Variants in SCML4 observed in about 807,000 individuals in gnomAD.
The protein encoded by SCML4 is sex comb on midleg-like protein 4.
In SCML4, 34 loss-of-function variants were observed where a neutral mutation model predicts 41.1. That is an observed-to-expected ratio of 0.83 (90% CI 0.63 to 1.10). The LOEUF (loss-of-function observed/expected upper bound fraction) is 1.10, where lower values mean the gene tolerates loss of function less well. SCML4 is among the 50% of genes least tolerant of loss of function. SCML4 has a pLI of 0.00. For synonymous variants in SCML4, 214 were observed against 220.9 expected, an observed-to-expected ratio of 0.97 and a Z score of 0.28; for missense variants, 522 against 534.1, an observed-to-expected ratio of 0.98 and a Z score of 0.22.
intron 1 of SCML4, among the ~76,000 whole-genome samples, chr6:107,792,893 T>C (rs961058803): frequency 6.6e-6 from 1 of 152,168 alleles, no homozygotes; most frequent in Admixed American, 6.5e-5. Context: ...AATGGGAATA[T>C]AGATTGTATA....
Position 107,704,606 on chromosome 6 carries a change from G to C in SCML4, c.*594C>G, listed in dbSNP as rs1773429621. 6.4e-6 allele frequency: 1 copy of C among 156,610 alleles called. No individual in the cohort carries two copies. Among genetic ancestry groups the C allele is most frequent in the Non-Finnish European group, 1.4e-5 (1 of 71,702 alleles). 9.7% of individuals were successfully genotyped at this position (156,610 alleles called of 1,614,324 possible). The stretch of plus-strand genomic sequence containing the variant: ...TTTCATTAGCAGTCTGCCCTCTAGC[G>C]GAGAAACACAGTACTTCAGATTTTC... On this transcript the variant is annotated 3_prime_UTR_variant, in exon 8 of 8. Coordinates refer to ENST00000369020, the MANE Select transcript of SCML4 (RefSeq NM_198081.5).
At chr6:107,726,195 G>A (rs1282234589) in intron 5 of SCML4, among the ~76,000 whole-genome samples, 1 of 151,726 alleles carries the variant, frequency 6.6e-6, no homozygotes, top group Non-Finnish European at 1.5e-5. Context: ...AAAGGGGCTA[G>A]ACTTATACAA....
At position 107,759,332 on chromosome 6, in the gene SCML4, A is replaced by AATACATATATACATAC. The variant is rs1554213075; in HGVS notation, c.157-9520_157-9519insGTATGTATATATGTAT. On this transcript the variant is annotated intron_variant, in intron 2 of 7. Coordinates refer to ENST00000369020, the MANE Select transcript of SCML4 (RefSeq NM_198081.5). ...GAGACAGAGCCAGACCCTGTCTCAA[A>AATACATATATACATAC]ATACATACATACATACATACATACA... is the stretch of plus-strand genomic sequence containing the variant. 5.2e-4 allele frequency among the ~76,000 whole-genome samples: 7 copies of AATACATATATACATAC among 13,488 alleles called. No individual in the cohort carries two copies. The Non-Finnish European group carries it at 0.028, about 54-fold the overall frequency. 8.8% of individuals were successfully genotyped at this position (13,488 alleles called of 152,430 possible). A position where few individuals can be genotyped will look rare whatever the true frequency, so the allele number is the denominator to read the frequency against.
chr6:107,747,710 T>C (rs981137192), intron 3 of SCML4, among the ~76,000 whole-genome samples: 3 of 152,108 alleles, frequency 2.0e-5, no homozygotes, highest in Admixed American at 6.6e-5. Flanking sequence ...GGAATCTTTA[T>C]GAATTTTGCA....
upstream of SCML4, among the ~76,000 whole-genome samples, chr6:107,828,776 A>C (rs1049541540): frequency 1.3e-5 from 2 of 152,202 alleles, no homozygotes; most frequent in African/African-American, 2.4e-5. Flanking sequence ...AGACTACACA[A>C]GAGTGGGTGC....
intron 2 of SCML4, chr6:107,755,607 G>C: frequency 7.4e-7 from 1 of 1,344,078 alleles, no homozygotes; most frequent in South Asian, 1.2e-5. Context: ...TCTGCCTGTC[G>C]CAACCTATCC....
chr6:107,707,513 G>C (rs1280925296), intron 7 of SCML4, among the ~76,000 whole-genome samples: 3 of 152,182 alleles, frequency 2.0e-5, no homozygotes, highest in Non-Finnish European at 4.4e-5. Flanking sequence ...AGTGGTTTAG[G>C]AACAGGTGCT....
At chr6:107,828,700 T>C (rs1038101841), upstream of SCML4, among the ~76,000 whole-genome samples, 6 of 152,244 alleles carry the variant, frequency 3.9e-5, no homozygotes, top group East Asian at 1.2e-3. Flanking sequence ...TTGAGAACCT[T>C]AGGGGCTATG....
intron 5 of SCML4, 142 bp from the exon 6 acceptor site, chr6:107,721,135 A>G: frequency 1.0e-6 from 1 of 974,508 alleles, no homozygotes; most frequent in South Asian, 2.1e-5. Flanking sequence ...GAACCTCACA[A>G]CATAATTCCA....
At chr6:107,812,482 A>AT (rs1276966299) in intron 1 of SCML4, among the ~76,000 whole-genome samples, 1 of 152,162 alleles carries the variant, frequency 6.6e-6, no homozygotes, top group Non-Finnish European at 1.5e-5. Context: ...GTGCCCAGTT[A>AT]TTTGGTTAAA....
At position 107,706,143 on chromosome 6, in the gene SCML4, C is replaced by T. The variant is rs556627057; in HGVS notation, c.1120-818G>A. Among the ~76,000 whole-genome samples, 16 of 152,266 alleles carry T rather than the reference C, an allele frequency of 1.1e-4. No homozygotes were observed. In the South Asian group the frequency reaches 1.9e-3, roughly 18 times the overall value. ...GTCACCAGCTCTCTCATTCATCTGCCCAGCCAGCCAGTATTGATGGAGCAC... is the reference window on the plus strand; with the variant it reads ...GTCACCAGCTCTCTCATTCATCTGCTCAGCCAGCCAGTATTGATGGAGCAC... On this transcript the variant is annotated intron_variant, in intron 7 of 7. Coordinates refer to ENST00000369020, the MANE Select transcript of SCML4 (RefSeq NM_198081.5).
intron 1 of SCML4, among the ~76,000 whole-genome samples, chr6:107,778,021 C>A (rs1260352785): frequency 2.0e-5 from 3 of 151,140 alleles, no homozygotes; most frequent in Non-Finnish European, 4.4e-5. Flanking sequence ...TCGAGACCAG[C>A]CTGGCCAACA....
chr6:107,728,512 G>A (rs1208750551), intron 5 of SCML4, among the ~76,000 whole-genome samples: 1 of 152,176 alleles, frequency 6.6e-6, no homozygotes, highest in African/African-American at 2.4e-5. Context: ...AGGAGGCTGA[G>A]GCAGGAGAAT....
chr6:107,838,978 A>G, the SCML4 span, among the ~76,000 whole-genome samples: 1 of 152,148 alleles, frequency 6.6e-6, no homozygotes, highest in Non-Finnish European at 1.5e-5. Context: ...AATCGTCCAG[A>G]AATAACAGTA....
chr6:107,766,584 T>C (rs1342343053), intron 2 of SCML4, among the ~76,000 whole-genome samples: 7 of 152,210 alleles, frequency 4.6e-5, no homozygotes, highest in Non-Finnish European at 1.0e-4. Context: ...TTTTACTCTT[T>C]AACATGAGTG....
intron 7 of SCML4, among the ~76,000 whole-genome samples, chr6:107,706,497 C>G (rs1773643738): frequency 6.6e-6 from 1 of 152,132 alleles, no homozygotes; most frequent in Non-Finnish European, 1.5e-5. Context: ...AAATAAGAAA[C>G]AGGAAACAAA....
chr6:107,807,935 A>T (rs953552881), intron 1 of SCML4, among the ~76,000 whole-genome samples: 4 of 152,256 alleles, frequency 2.6e-5, no homozygotes, highest in Non-Finnish European at 4.4e-5. Context: ...ACAAAATTTA[A>T]CAACCTACAG....
At chr6:107,712,308 G>T (rs1387998058) in intron 6 of SCML4, among the ~76,000 whole-genome samples, 6 of 152,132 alleles carry the variant, frequency 3.9e-5, no homozygotes, top group Non-Finnish European at 7.4e-5. Flanking sequence ...TCCTGCATTT[G>T]ACAGGAAGGG....
At chr6:107,823,720 A>G (rs1001427879) in intron 1 of SCML4, among the ~76,000 whole-genome samples, 1 of 152,186 alleles carries the variant, frequency 6.6e-6, no homozygotes, top group Admixed American at 6.5e-5. Context: ...ACATAGTACA[A>G]TTTTTTTAAA....
Sources: allele counts gnomAD v4.1 joint callset (sites outside exome capture counted in the v4.1 genomes callset), GRCh38; gene constraint gnomAD v4.1.1; transcripts MANE v1.5; gene names NCBI Gene and HGNC (gene_info 2026-07-23, HGNC 2026-07-21).